NAV1: variants seen among roughly 807,000 people sequenced by gnomAD.
The protein encoded by NAV1 is neuron navigator 1.
NAV1 carries 18 observed loss-of-function variants against 175.2 expected under a neutral mutation model. That is an observed-to-expected ratio of 0.10 (90% CI 0.07 to 0.15). The LOEUF (loss-of-function observed/expected upper bound fraction) is 0.15, where lower values mean the gene tolerates loss of function less well. Among genes scored for constraint, NAV1 ranks in the 10% least tolerant of loss-of-function variants. The pLI is 1.00. For synonymous variants in NAV1, 897 were observed against 978.7 expected (o/e 0.92, Z 1.56); for missense variants, 1,731 against 2,436.6 (o/e 0.71, Z 6.10).
chr1:201,544,797 A>G (rs1377851213), intron 1 of NAV1, among the ~76,000 whole-genome samples: 1 of 152,216 alleles, frequency 6.6e-6, no homozygotes. Context: ...ACTACCATGC[A>G]TCTGTCCCCA....
At chr1:201,730,852 T>C (rs1370329784) in intron 3 of NAV1, among the ~76,000 whole-genome samples, 1 of 152,208 alleles carries the variant, frequency 6.6e-6, no homozygotes, top group African/African-American at 2.4e-5. Flanking sequence ...ATCAGATGTC[T>C]CTGGCCAGGC....
At chr1:201,660,194 T>C (rs544262369) in intron 1 of NAV1, among the ~76,000 whole-genome samples, 2 of 152,202 alleles carry the variant, frequency 1.3e-5, no homozygotes, top group East Asian at 1.9e-4. Flanking sequence ...CAGAGCCTAT[T>C]TGGGGTGGGG....
At position 201,694,465 on chromosome 1, in the gene NAV1, G is replaced by A. The variant is rs1671102383; in HGVS notation, c.758-18352G>A. On this transcript the variant is annotated intron_variant, in intron 1 of 29. Transcript: ENST00000367296. This position sits in a 1 kb window ranked among gnomAD's most constrained non-coding sequence, Gnocchi z 4.2. ...GACCCTGGGGAGGGTGAGGGCCGGG[G>A]TCACCAGCTGCTGGGGCTTCTTGCC... Among the ~76,000 whole-genome samples, 1 of 152,192 alleles carries A rather than the reference G, an allele frequency of 6.6e-6. No individual in the cohort carries two copies. Among genetic ancestry groups the A allele is most frequent in the Non-Finnish European group, 1.5e-5 (1 of 68,030 alleles).
At chr1:201,595,383 C>G (rs116814712) in intron 2 of NAV1, among the ~76,000 whole-genome samples, 1 of 152,246 alleles carries the variant, frequency 6.6e-6, no homozygotes, top group African/African-American at 2.4e-5. Context: ...TCAACTAAAG[C>G]TTTCTCAATA....
chr1:201,559,987 G>C (rs1290986837), intron 1 of NAV1, among the ~76,000 whole-genome samples: 1 of 152,194 alleles, frequency 6.6e-6, no homozygotes, highest in Non-Finnish European at 1.5e-5. Context: ...GGGGTGAGAG[G>C]CTCAGGCTGG....
intron 3 of NAV1, among the ~76,000 whole-genome samples, chr1:201,719,318 C>G (rs1672272035): frequency 6.6e-6 from 1 of 152,082 alleles, no homozygotes; most frequent in African/African-American, 2.4e-5. Flanking sequence ...CTATCCGACC[C>G]CTGTGGTCCT....
At chr1:201,685,989 G>T (rs529328446) in intron 1 of NAV1, among the ~76,000 whole-genome samples, 9 of 152,318 alleles carry the variant, frequency 5.9e-5, no homozygotes, top group Admixed American at 2.0e-4. Context: ...GAATGTCCCT[G>T]TAAAGGGTAC....
At chr1:201,805,803 G>C (rs547593498) in intron 17 of NAV1, among the ~76,000 whole-genome samples, 15 of 152,022 alleles carry the variant, frequency 9.9e-5, no homozygotes, top group South Asian at 4.2e-4. Context: ...CGTGCCTGTG[G>C]TCCCAGCTAC....
chr1:201,755,035 C>G (rs1004770410), intron 3 of NAV1, among the ~76,000 whole-genome samples: 3 of 152,082 alleles, frequency 2.0e-5, no homozygotes, highest in African/African-American at 7.2e-5. Flanking sequence ...GAAATTAGTG[C>G]CTTTAGACAT....
intron 3 of NAV1, among the ~76,000 whole-genome samples, chr1:201,766,812 CTTTT>C (rs1246998316): frequency 1.3e-5 from 2 of 151,964 alleles, no homozygotes; most frequent in African/African-American, 4.8e-5. Flanking sequence ...AAGCCACATA[CTTTT>C]TTTGTTTTTT....
chr1:201,711,917 TG>T (rs1671924577), intron 1 of NAV1, among the ~76,000 whole-genome samples: 1 of 152,230 alleles, frequency 6.6e-6, no homozygotes, highest in Non-Finnish European at 1.5e-5. Flanking sequence ...CTCAGTCATT[TG>T]GACGTTATTT....
chr1:201,676,121 A>T (rs1268535326), intron 1 of NAV1, among the ~76,000 whole-genome samples: 1 of 152,158 alleles, frequency 6.6e-6, no homozygotes, highest in Non-Finnish European at 1.5e-5. Flanking sequence ...CCAAAAGGAG[A>T]TAATTCCAGC....
intron 1 of NAV1, among the ~76,000 whole-genome samples, chr1:201,663,496 T>C (rs1451924685): frequency 1.3e-5 from 2 of 152,208 alleles, no homozygotes; most frequent in Admixed American, 1.3e-4. Flanking sequence ...TTTCCCTCTC[T>C]GTCCCGGGTT....
Position 201,541,851 on chromosome 1 carries a change from A to C in NAV1, c.-144+2509A>C, listed in dbSNP as rs76721493. On this transcript the variant is annotated intron_variant, in intron 1 of 33. Transcript: ENST00000685211. ...GAGTCCCTGTGAACCTCTGGTATCA[A>C]CTCAGTTTGGGCCCAGTAGAAAGGA... Among the ~76,000 whole-genome samples, 317 of 152,012 alleles carry C rather than the reference A, an allele frequency of 2.1e-3. 7 individuals carry two copies. The East Asian group carries it at 0.05, about 24-fold the overall frequency.
rs1243551264 is a variant in NAV1 at position 201,744,261 on chromosome 1, G to A, written c.1226+25506G>A. On this transcript the variant is annotated intron_variant, in intron 3 of 29. Coordinates refer to ENST00000367296, the Ensembl canonical transcript of NAV1. ...CAACTTTGTGCCAGCCACTATGCTG[G>A]GTGCTGGAGAAACAGACAAAACCCT... Among the ~76,000 whole-genome samples the A allele has an allele frequency of 4.6e-5, 7 of 152,236 alleles. No homozygotes were observed. In the South Asian group the frequency reaches 6.2e-4, roughly 14 times the overall value.
chr1:201,786,634 G>T, intron 9 of NAV1, 57 bp downstream of exon 13: 1 of 1,542,142 alleles, frequency 6.5e-7, no homozygotes, highest in Non-Finnish European at 8.8e-7. Flanking sequence ...CACCCTGCAG[G>T]GTGAGGCAAG....
At chr1:201,578,404 G>A (rs617053) in intron 1 of NAV1, among the ~76,000 whole-genome samples, 57,286 of 151,992 alleles carry the variant, frequency 0.38, 12,331 homozygotes, top group African/African-American at 0.58. Flanking sequence ...CCAGCTCCCT[G>A]CTTGGTTTCC....
intron 1 of NAV1, among the ~76,000 whole-genome samples, chr1:201,650,994 G>GA (rs1271521229): frequency 1.3e-5 from 2 of 152,244 alleles, no homozygotes; most frequent in East Asian, 1.9e-4. Flanking sequence ...GACAATAAGG[G>GA]AAAAAATTAA....
At chr1:201,823,822 AC>A (rs1263920164) in exon 30 of NAV1, 5 of 152,232 alleles carry the variant, frequency 3.3e-5, no homozygotes, top group Non-Finnish European at 7.3e-5. Context: ...AACAAGGGTC[AC>A]ACTACTCAGA....
Sources: allele counts gnomAD v4.1 joint callset (sites outside exome capture counted in the v4.1 genomes callset), GRCh38; gene constraint gnomAD v4.1.1; non-coding constraint Gnocchi (gnomAD v3.1); transcripts MANE v1.5; gene names NCBI Gene and HGNC (gene_info 2026-07-23, HGNC 2026-07-21).